Variants in RANBP2 observed in about 807,000 individuals in gnomAD.
RANBP2 encodes the protein RAN binding protein 2, also known as E3 SUMO-protein ligase RanBP2.
Under a neutral mutation model 303.6 loss-of-function variants are expected in RANBP2, and 57 were observed. The ratio of observed to expected loss-of-function variants is 0.19; its 90% confidence interval spans 0.15 to 0.23. The LOEUF (loss-of-function observed/expected upper bound fraction) is 0.23. RANBP2 is among the 10% of genes least tolerant of loss of function. The pLI is 1.00. For missense variants in RANBP2, 3,138 were observed against 3,780.8 expected (o/e 0.83, Z 4.46); for synonymous variants, 1,167 against 1,301.5 (o/e 0.90, Z 2.23).
At chr2:109,499,461 G>A in the RANBP2 span, among the ~76,000 whole-genome samples, 1 of 152,214 alleles carries the variant, frequency 6.6e-6, no homozygotes, top group Admixed American at 6.5e-5. Flanking sequence ...TCTTCTCTCA[G>A]CCCTTACTGC....
At chr2:108,976,206 G>A in the RANBP2 span, among the ~76,000 whole-genome samples, 1 of 152,298 alleles carries the variant, frequency 6.6e-6, no homozygotes. Flanking sequence ...TGGCTAACAA[G>A]ACAATTTCTG....
chr2:109,034,935 GGGC>G, the RANBP2 span, among the ~76,000 whole-genome samples: 1 of 152,038 alleles, frequency 6.6e-6, no homozygotes, highest in Admixed American at 6.6e-5. Flanking sequence ...AGAAGTGAGG[GGGC>G]ACATTTAAAG....
rs1677258557 is a variant in RANBP2 at position 108,768,362 on chromosome 2, A to G, written c.7823A>G (p.Asn2608Ser). The G allele has an allele frequency of 1.4e-5, 22 of 1,611,836 alleles. No individual in the cohort carries two copies. Among genetic ancestry groups the G allele is most frequent in the African/African-American group, 2.7e-5 (2 of 74,988 alleles). Residue 2608 changes from asparagine to serine, a missense_variant, in exon 20 of 29, where the codon AAC becomes AGC. Physicochemically the swap from Asn to Ser is conservative, Grantham distance 46 (BLOSUM62 1). This residue lies in a region of RANBP2 where 497 missense variants were observed against 465.8 expected (regional missense o/e 1.07). Transcript: ENST00000283195. The stretch of plus-strand genomic sequence containing the variant: ...TTTCCAACGGAAGAATCTTCAATCA[A>G]CTACACATTTAAAACACCAGAAAAG... ...ASFPTEESSI[N>S]YTFKTPEKAK...
chr2:109,370,203 GTCTCTGTCTCTGTCTCTGTCTCTGTC>G, the RANBP2 span, among the ~76,000 whole-genome samples: 5 of 144,856 alleles, frequency 3.5e-5, no homozygotes, highest in African/African-American at 1.4e-4. Flanking sequence ...CTCTGTCTCT[GTCTCTGTCTCTGTCTCTGTCTCTGTC>G]TCTCTCTCTC....
chr2:109,420,846 C>T, the RANBP2 span, among the ~76,000 whole-genome samples: 1 of 152,242 alleles, frequency 6.6e-6, no homozygotes, highest in Non-Finnish European at 1.5e-5. Flanking sequence ...TCACCCACCT[C>T]TAAGCCCAGT....
the RANBP2 span, among the ~76,000 whole-genome samples, chr2:109,590,787 GA>G: frequency 6.6e-6 from 1 of 152,128 alleles, no homozygotes; most frequent in Non-Finnish European, 1.5e-5. Context: ...GAAGCATGAA[GA>G]GAACTCCACC....
the RANBP2 span, among the ~76,000 whole-genome samples, chr2:109,652,389 A>AT: frequency 9.0e-5 from 13 of 144,284 alleles, no homozygotes; most frequent in Admixed American, 5.5e-4. Context: ...CGCCCGGCTA[A>AT]TTTTTTGTAT....
chr2:109,083,916 G>A, the RANBP2 span, among the ~76,000 whole-genome samples: 2 of 151,864 alleles, frequency 1.3e-5, no homozygotes, highest in Admixed American at 6.6e-5. Flanking sequence ...AACCCCACCC[G>A]GTCCAGTAGC....
At chr2:109,453,271 C>T in the RANBP2 span, among the ~76,000 whole-genome samples, 1 of 152,244 alleles carries the variant, frequency 6.6e-6, no homozygotes, top group Non-Finnish European at 1.5e-5. Context: ...TTGCTCCCTG[C>T]AGGGGCTGCC....
the RANBP2 span, among the ~76,000 whole-genome samples, chr2:108,959,647 C>A: frequency 0.26 from 39,855 of 152,000 alleles, 9,736 homozygotes; most frequent in East Asian, 0.94. Flanking sequence ...CTGTGGCATG[C>A]GCCCTGGGAC....
At chr2:109,071,373 A>T in the RANBP2 span, among the ~76,000 whole-genome samples, 1 of 152,240 alleles carries the variant, frequency 6.6e-6, no homozygotes, top group African/African-American at 2.4e-5. Flanking sequence ...TTAGATACCC[A>T]TTAGACATCT....
At chr2:108,997,977 G>GC in the RANBP2 span, among the ~76,000 whole-genome samples, 19 of 152,276 alleles carry the variant, frequency 1.2e-4, no homozygotes, top group East Asian at 3.7e-3. Context: ...CTCAGCCTCG[G>GC]CAAGTATCAG....
the RANBP2 span, among the ~76,000 whole-genome samples, chr2:109,142,751 C>T: frequency 1.7e-4 from 26 of 152,294 alleles, no homozygotes; most frequent in African/African-American, 6.0e-4. Context: ...CTGGCTTCAC[C>T]TGCCAAAGCA....
At chr2:108,875,316 TAA>T in the RANBP2 span, among the ~76,000 whole-genome samples, 917 of 22,692 alleles carry the variant, frequency 0.04, 17 homozygotes, top group African/African-American at 0.11. Flanking sequence ...ACTTAAAGTA[TAA>T]TAAAAAAAAA....
At chr2:109,197,257 C>T in the RANBP2 span, among the ~76,000 whole-genome samples, 8 of 152,200 alleles carry the variant, frequency 5.3e-5, no homozygotes, top group East Asian at 7.8e-4. Flanking sequence ...CAGGGTAATT[C>T]GTTGGTCGTT....
chr2:109,451,092 C>T, the RANBP2 span, among the ~76,000 whole-genome samples: 1 of 152,256 alleles, frequency 6.6e-6, no homozygotes, highest in Non-Finnish European at 1.5e-5. Context: ...GGCCTCAGCA[C>T]CTCCTGTGTT....
At chr2:109,676,489 A>C in the RANBP2 span, among the ~76,000 whole-genome samples, 1 of 152,176 alleles carries the variant, frequency 6.6e-6, no homozygotes, top group Non-Finnish European at 1.5e-5. Flanking sequence ...ACTTTTTCCT[A>C]GTTCAGCACT....
At chr2:109,649,269 A>G in the RANBP2 span, among the ~76,000 whole-genome samples, 1 of 152,174 alleles carries the variant, frequency 6.6e-6, no homozygotes, top group Non-Finnish European at 1.5e-5. Flanking sequence ...TGGCTCCATG[A>G]CTAAAGTCCT....
At chr2:109,073,125 A>G in the RANBP2 span, among the ~76,000 whole-genome samples, 4 of 152,218 alleles carry the variant, frequency 2.6e-5, no homozygotes, top group Non-Finnish European at 1.5e-5. Flanking sequence ...CAGACAAAAA[A>G]TCAAAAGACC....
Sources: allele counts gnomAD v4.1 joint callset (sites outside exome capture counted in the v4.1 genomes callset), GRCh38; gene constraint gnomAD v4.1.1; regional missense constraint gnomAD v4.1.1; transcripts MANE v1.5; gene names NCBI Gene and HGNC (gene_info 2026-07-23, HGNC 2026-07-21).